UST: variants seen among roughly 807,000 people sequenced by gnomAD.
UST encodes the protein uronyl 2-sulfotransferase, also known as chondroitin sulfate 2-O-sulfotransferase.
In UST, 21 loss-of-function variants were observed where a neutral mutation model predicts 45.6. That is an observed-to-expected ratio of 0.46 (90% confidence interval 0.33 to 0.66). UST has a LOEUF of 0.66. UST is among the 30% of genes least tolerant of loss of function. The probability of loss-of-function intolerance (pLI) is 0.02; values close to 1 mark genes in which losing one functional copy is unlikely to be tolerated. For synonymous variants in UST, 215 were observed against 200.6 expected (o/e 1.07, Z -0.61); for missense variants, 463 against 512.4 (o/e 0.90, Z 0.93).
chr6:149,048,127 A>ATTT (rs35382476), intron 7 of UST, among the ~76,000 whole-genome samples: 2 of 150,314 alleles, frequency 1.3e-5, no homozygotes, highest in East Asian at 1.9e-4. Flanking sequence ...TAAAGAGTTC[A>ATTT]TTTTTTTTTT....
chr6:148,797,786 A>G (rs1776981155), intron 1 of UST, among the ~76,000 whole-genome samples: 1 of 152,202 alleles, frequency 6.6e-6, no homozygotes, highest in South Asian at 2.1e-4. Flanking sequence ...AAGAAGAACA[A>G]TATGTGAGAA....
intron 2 of UST, among the ~76,000 whole-genome samples, chr6:148,903,415 T>C (rs1042470139): frequency 1.3e-5 from 2 of 152,226 alleles, no homozygotes; most frequent in Non-Finnish European, 2.9e-5. Context: ...TTGAGTATAA[T>C]TGTAATTTTT....
intron 3 of UST, among the ~76,000 whole-genome samples, chr6:148,953,574 A>G (rs1780411247): frequency 6.6e-6 from 1 of 152,156 alleles, no homozygotes; most frequent in African/African-American, 2.4e-5. Flanking sequence ...CGAGGTCAGA[A>G]GTTCGAGACC....
At chr6:148,944,539 A>ACG (rs1053721603) in intron 3 of UST, among the ~76,000 whole-genome samples, 4 of 151,768 alleles carry the variant, frequency 2.6e-5, no homozygotes, top group African/African-American at 9.7e-5. Flanking sequence ...ACACACACAC[A>ACG]CACACACAGA....
Position 148,748,574 on chromosome 6 carries a change from C to A in UST, c.247+897C>A, listed in dbSNP as rs1413866055. Among the ~76,000 whole-genome samples, 1 of 152,028 alleles carries A rather than the reference C, an allele frequency of 6.6e-6. No homozygotes were observed. The highest frequency in any genetic ancestry group is 1.5e-5 in the Non-Finnish European group (1 of 67,994). On this transcript the variant is annotated intron_variant, in intron 1 of 7. Coordinates refer to ENST00000367463, the MANE Select transcript of UST (RefSeq NM_005715.3). This position sits in a 1 kb window ranked among gnomAD's most constrained non-coding sequence, Gnocchi z 5.3. ...AGCTCCCTCGTCTCGGCTGCGGGAG[C>A]CAGGGGTGCCAGGGACAGGCGAGCG... is the stretch of plus-strand genomic sequence containing the variant.
At chr6:148,759,274 C>T (rs1247673561) in intron 1 of UST, among the ~76,000 whole-genome samples, 1 of 152,104 alleles carries the variant, frequency 6.6e-6, no homozygotes, top group Non-Finnish European at 1.5e-5. Flanking sequence ...GCCTGTAATC[C>T]CAGCACTTTG....
At chr6:148,773,447 G>A (rs1776470814) in intron 1 of UST, among the ~76,000 whole-genome samples, 2 of 150,306 alleles carry the variant, frequency 1.3e-5, no homozygotes, top group Non-Finnish European at 3.0e-5. Context: ...GGTGACAAGA[G>A]CAAAACTCTG....
intron 1 of UST, among the ~76,000 whole-genome samples, chr6:148,808,815 TAGA>T (rs1024439800): frequency 1.3e-5 from 2 of 152,138 alleles, no homozygotes; most frequent in African/African-American, 2.4e-5. Context: ...GTGCCTTTAT[TAGA>T]AGAAGAACAG....
At chr6:148,975,071 C>T (rs1444305909) in intron 5 of UST, among the ~76,000 whole-genome samples, 1 of 152,162 alleles carries the variant, frequency 6.6e-6, no homozygotes, top group African/African-American at 2.4e-5. Context: ...TAATCGATGG[C>T]ATTCTATGTC....
intron 1 of UST, among the ~76,000 whole-genome samples, chr6:148,841,582 T>G (rs1248692619): frequency 1.0e-5 from 1 of 99,290 alleles, no homozygotes; most frequent in Admixed American, 1.0e-4. Context: ...GTCTGTTTTG[T>G]TTTTGTTTTT....
chr6:148,984,530 A>T (rs1781203725), intron 5 of UST, among the ~76,000 whole-genome samples: 1 of 152,214 alleles, frequency 6.6e-6, no homozygotes, highest in Non-Finnish European at 1.5e-5. Flanking sequence ...TTATTTATTT[A>T]TTTTTAATTA....
chr6:148,825,254 A>G (rs1362317584), intron 1 of UST, among the ~76,000 whole-genome samples: 1 of 152,134 alleles, frequency 6.6e-6, no homozygotes, highest in African/African-American at 2.4e-5. Context: ...AGGCCAGCAC[A>G]TTCTGTTATT....
At chr6:148,891,782 AATAGTC>A (rs1562291261) in intron 2 of UST, among the ~76,000 whole-genome samples, 2 of 152,244 alleles carry the variant, frequency 1.3e-5, no homozygotes, top group African/African-American at 4.8e-5. Flanking sequence ...ACCAGAAAAA[AATAGTC>A]ATCACCATTT....
Position 148,748,826 on chromosome 6 carries a change from G to A in UST, c.247+1149G>A, listed in dbSNP as rs1046503874. On this transcript the variant is annotated intron_variant, in intron 1 of 7. Coordinates refer to ENST00000367463, the MANE Select transcript of UST (RefSeq NM_005715.3). The surrounding 1 kb of genome is among the most constrained non-coding windows in gnomAD (Gnocchi z 5.3). ...GGAAAGAAAATGGGCCAAATGACCC[G>A]GGCCAGCTGGAGGCTGCCACAGTTA... 3.3e-5 allele frequency among the ~76,000 whole-genome samples: 5 copies of A among 152,116 alleles called. No homozygotes were observed. The highest frequency in any genetic ancestry group is 9.6e-5 in the African/African-American group (4 of 41,504).
intron 1 of UST, among the ~76,000 whole-genome samples, chr6:148,858,960 C>A (rs1208589255): frequency 2.7e-5 from 4 of 146,654 alleles, no homozygotes; most frequent in South Asian, 2.2e-4. Flanking sequence ...AATAAACATA[C>A]GTGTGCATGT....
chr6:148,916,959 C>T (rs143108804), intron 2 of UST, among the ~76,000 whole-genome samples: 1 of 152,336 alleles, frequency 6.6e-6, no homozygotes, highest in African/African-American at 2.4e-5. Context: ...TCCCTCAAGC[C>T]CTCCTTCCCT....
chr6:148,789,451 T>TCACACA (rs1448553656), intron 1 of UST, among the ~76,000 whole-genome samples: 16 of 132,930 alleles, frequency 1.2e-4, no homozygotes, highest in African/African-American at 3.9e-4. Context: ...TCTCTCTCTC[T>TCACACA]CTCACACACA....
Position 148,886,550 on chromosome 6 carries a change from G to A in UST, c.248-436G>A, listed in dbSNP as rs189429972. Among the ~76,000 whole-genome samples the A allele has an allele frequency of 6.6e-5, 10 of 152,288 alleles. No homozygotes were observed. In the East Asian group the frequency reaches 1.9e-3, roughly 29 times the overall value. On this transcript the variant is annotated intron_variant, in intron 1 of 7. Transcript: ENST00000367463. ...AGACAAATTGGAGAAAGAGAGTATG[G>A]GGTTCAGGACCGGCAGCATCAGTAT...
At chr6:148,945,432 C>G (rs1408025437) in intron 3 of UST, among the ~76,000 whole-genome samples, 2 of 152,132 alleles carry the variant, frequency 1.3e-5, no homozygotes, top group Non-Finnish European at 2.9e-5. Context: ...AGTGGCCCTT[C>G]TCCTGGAGAT....
Sources: allele counts gnomAD v4.1 joint callset (sites outside exome capture counted in the v4.1 genomes callset), GRCh38; gene constraint gnomAD v4.1.1; non-coding constraint Gnocchi (gnomAD v3.1); transcripts MANE v1.5; gene names NCBI Gene and HGNC (gene_info 2026-07-23, HGNC 2026-07-21).